KCNA4: variants seen among roughly 807,000 people sequenced by gnomAD.
KCNA4 encodes cardiac potassium channel.
Under a neutral mutation model 37.2 loss-of-function variants are expected in KCNA4, and 5 were observed. The ratio of observed to expected loss-of-function variants is 0.13; its 90% CI spans 0.07 to 0.28. The LOEUF (loss-of-function observed/expected upper bound fraction) is 0.28, where lower values mean the gene tolerates loss of function less well. Ranked by LOEUF, KCNA4 falls within the 10% of genes least tolerant of loss-of-function variation. The probability of loss-of-function intolerance (pLI) is 1.00; values close to 1 mark genes in which losing one functional copy is unlikely to be tolerated. For synonymous variants in KCNA4, 350 were observed against 311.8 expected (o/e 1.12, Z -1.29); for missense variants, 634 against 817.4 (o/e 0.78, Z 2.74).
rs779502105 is a variant in KCNA4 at position 30,012,167 on chromosome 11, T to G, written c.512A>C (p.Tyr171Ser). ...EGGGGYSSVR[Y>S]SDCCERVVIN... ...CACCACACGTTCACAACAGTCACTG[T>G]AGCGGACTGAACTGTAGCCGCCACC... The change falls in exon 2 of 2, where the codon TAC becomes TCC. Residue 171 changes from tyrosine (Y) to serine (S), a missense_variant. Tyr to Ser is a moderately radical substitution (Grantham distance 144, BLOSUM62 -2). Transcript: ENST00000328224. 9.9e-6 allele frequency: 16 copies of G among 1,614,076 alleles called. No individual in the cohort carries two copies. In the South Asian group the frequency reaches 1.8e-4, roughly 18 times the overall value.
chr11:30,014,677 C>T (rs1410394337), intron 1 of KCNA4, among the ~76,000 whole-genome samples: 1 of 152,072 alleles, frequency 6.6e-6, no homozygotes. Context: ...ATTCCTGGCC[C>T]TTCTTCTTCC....
chr11:30,014,283 G>A (rs1386672517), intron 1 of KCNA4, among the ~76,000 whole-genome samples: 2 of 152,102 alleles, frequency 1.3e-5, no homozygotes, highest in African/African-American at 2.4e-5. Context: ...TTGTTAAGTT[G>A]GCACTGCCTG....
Position 30,011,350 on chromosome 11 carries a change from G to A in KCNA4, c.1329C>T (p.Leu443=). The part of the protein sequence containing the change: ...QQQQAMSFAI[L]RIIRLVRVFR... ...ATACTCGGACCAGACGAATGATTCT[G>A]AGGATGGCAAAGGACATGGCCTGCT... Residue 443 remains leucine, a synonymous_variant, in exon 2 of 2, where the codon CTC becomes CTT. Coordinates refer to ENST00000328224, the MANE Select transcript of KCNA4 (RefSeq NM_002233.4). The surrounding 1 kb of genome is among the most constrained non-coding windows in gnomAD (Gnocchi z 5.6). 6.2e-7 allele frequency: 1 copy of A among 1,614,154 alleles called. No individual in the cohort carries two copies. Among genetic ancestry groups the A allele is most frequent in the South Asian group, 1.1e-5 (1 of 91,078 alleles).
intron 1 of KCNA4, among the ~76,000 whole-genome samples, chr11:30,014,927 C>T (rs1405155277): frequency 6.6e-6 from 1 of 152,082 alleles, no homozygotes; most frequent in Non-Finnish European, 1.5e-5. Flanking sequence ...TTTCTGAAGC[C>T]ATTAACAGGA....
chr11:30,015,846 A>G (rs1475364782), intron 1 of KCNA4, among the ~76,000 whole-genome samples: 2 of 152,118 alleles, frequency 1.3e-5, no homozygotes, highest in East Asian at 3.9e-4. Flanking sequence ...TTAAACTAAT[A>G]GGATTTTGCA....
In KCNA4 at chr11:30,010,507, A is replaced by T; in HGVS notation, c.*210T>A. 3 of 746,472 alleles carry T rather than the reference A, an allele frequency of 4.0e-6. No homozygotes were observed. The highest frequency in any genetic ancestry group is 2.9e-5 in the South Asian group (1 of 34,116). The allele number at this position is 746,472 out of a possible 1,614,324, so 46.2% of individuals were successfully genotyped here. On this transcript the variant is annotated 3_prime_UTR_variant, in exon 2 of 2. Transcript: ENST00000328224. The stretch of plus-strand genomic sequence containing the variant: ...CATTCTAATAAAAATATAAAGATAG[A>T]TTTGCTCCTATTCCTCCCTCTTCTC...
rs1850297467 is a variant in KCNA4 at position 30,010,920 on chromosome 11, G to A, written c.1759C>T (p.Pro587Ser). The A allele has an allele frequency of 1.2e-6, 2 of 1,614,154 alleles. No homozygotes were observed. The highest frequency in any genetic ancestry group is 1.7e-5 in the Admixed American group (1 of 60,022). ...TQLTQNAVSC[P>S]YLPSNLLKKF... ...TTGAGCAAATTAGAGGGGAGGTATG[G>A]ACAACTGACTGCATTCTGCGTTAGC... is the stretch of plus-strand genomic sequence containing the variant. The change falls in exon 2 of 2, where the codon CCA becomes TCA. Residue 587 changes from proline (P) to serine (S), a missense_variant. By Grantham distance (74) the Pro-to-Ser change is moderately conservative. This residue lies in a region of KCNA4 where 91 missense variants were observed against 95.8 expected (regional missense o/e 0.95). Coordinates refer to ENST00000328224, the MANE Select transcript of KCNA4 (RefSeq NM_002233.4).
chr11:30,016,813 G>A lies in KCNA4; in HGVS notation c.-1024C>T. The A allele has an allele frequency of 5.1e-6, 2 of 392,630 alleles. No individual in the cohort carries two copies. The highest frequency in any genetic ancestry group is 4.5e-6 in the Non-Finnish European group (1 of 222,582). The allele number at this position is 392,630 out of a possible 1,614,324, so 24.3% of individuals were successfully genotyped here. On this transcript the variant is annotated 5_prime_UTR_variant, in exon 1 of 2. Coordinates refer to ENST00000328224, the MANE Select transcript of KCNA4 (RefSeq NM_002233.4). The stretch of plus-strand genomic sequence containing the variant: ...CTGGAGCCTGGGGGTGGGGGTTGGG[G>A]CTGCCCCAGAGAAGACCCCAAGACT...
Position 30,011,677 on chromosome 11 carries a change from G to T in KCNA4, c.1002C>A (p.Asp334Glu). ...FCLETLPEFR[D>E]DRDLVMALSA... ...TCAGTGCCATGACGAGATCCCTGTC[G>T]TCCCTAAACTCAGGCAAGGTTTCCA... Residue 334 changes from aspartate (D) to glutamate (E), a missense_variant, in exon 2 of 2, where the codon GAC (aspartate) becomes GAA (glutamate). Transcript: ENST00000328224. The surrounding 1 kb of genome is among the most constrained non-coding windows in gnomAD (Gnocchi z 5.6). 1 of 1,614,088 alleles carries T rather than the reference G, an allele frequency of 6.2e-7. No homozygotes were observed. Among genetic ancestry groups the T allele is most frequent in the Non-Finnish European group, 8.5e-7 (1 of 1,180,026 alleles).
chr11:30,013,785 C>G (rs1336938831), intron 1 of KCNA4, among the ~76,000 whole-genome samples: 2 of 152,202 alleles, frequency 1.3e-5, no homozygotes, highest in African/African-American at 4.8e-5. Flanking sequence ...CACTGTCACT[C>G]TCTTCATTCC....
rs763444867 is a variant in KCNA4, at chr11:30,011,686, C to T, written c.993G>A (p.Glu331=). The T allele has an allele frequency of 3.7e-6, 6 of 1,614,166 alleles. No homozygotes were observed. Among genetic ancestry groups the T allele is most frequent in the Middle Eastern group, 1.6e-4 (1 of 6,062 alleles). Residue 331 remains glutamate, a synonymous_variant, in exon 2 of 2, where the codon GAG becomes GAA. Transcript: ENST00000328224. This position sits in a 1 kb window ranked among gnomAD's most constrained non-coding sequence, Gnocchi z 5.6. ...IVIFCLETLP[E]FRDDRDLVMA... is the part of the protein sequence containing the mutation. ...TGACGAGATCCCTGTCGTCCCTAAA[C>T]TCAGGCAAGGTTTCCAGGCAAAAGA...
chr11:30,016,694 A>C lies in KCNA4; in HGVS notation c.-905T>G. Reference sequence around the variant, plus strand: ...TCCTGGGTGGGGGGCGGGGGGTGGTAAAAGGAATCACTCGGGTTTGGCAGG... The same window carrying C: ...TCCTGGGTGGGGGGCGGGGGGTGGTCAAAGGAATCACTCGGGTTTGGCAGG... On this transcript the variant is annotated 5_prime_UTR_variant, in exon 1 of 2. Transcript: ENST00000328224. 2.2e-5 allele frequency: 6 copies of C among 273,908 alleles called. No homozygotes were observed. Among genetic ancestry groups the C allele is most frequent in the East Asian group, 6.2e-5 (1 of 16,150 alleles). 17.0% of individuals were successfully genotyped at this position (273,908 alleles called of 1,614,324 possible).
rs1187223187 is a variant in KCNA4 at position 30,012,446 on chromosome 11, C to T, written c.233G>A (p.Ser78Asn). Reference sequence around the variant, plus strand: ...CCTCCTCCTCCGACTACCCCGGCTGCTCTGAGGGTCATGGGAGGTACAGGC... The same window carrying T: ...CCTCCTCCTCCGACTACCCCGGCTGTTCTGAGGGTCATGGGAGGTACAGGC... Reference protein sequence around the residue: ...RGACTSHDPQSSRGSRRRRRQ... With the variant: ...RGACTSHDPQNSRGSRRRRRQ... Residue 78 changes from serine (S) to asparagine (N), a missense_variant, in exon 2 of 2, where the codon AGC becomes AAC. Coordinates refer to ENST00000328224, the MANE Select transcript of KCNA4 (RefSeq NM_002233.4). 6.2e-7 allele frequency: 1 copy of T among 1,613,216 alleles called. No homozygotes were observed. Among genetic ancestry groups the T allele is most frequent in the Non-Finnish European group, 8.5e-7 (1 of 1,180,016 alleles).
At chr11:30,015,717 G>A (rs1343583243) in intron 1 of KCNA4, among the ~76,000 whole-genome samples, 1 of 152,092 alleles carries the variant, frequency 6.6e-6, no homozygotes, top group Admixed American at 6.5e-5. Flanking sequence ...AATCAGACTG[G>A]TTTAAAATCT....
At position 30,011,399 on chromosome 11, in the gene KCNA4, T is replaced by A; in HGVS notation, c.1280A>T (p.Gln427Leu). The stretch of plus-strand genomic sequence containing the variant: ...CTGCTGCTGACCATTGCCACCCCCC[T>A]GTTGCTGGGCCAGGTCAGTGCCCAG... ...ITLGTDLAQQ[Q>L]GGGNGQQQQA... Residue 427 changes from glutamine to leucine, a missense_variant, in exon 2 of 2, where the codon CAG becomes CTG. By Grantham distance (113) the Gln-to-Leu change is moderately radical. This residue lies in a region of KCNA4 where 252 missense variants were observed against 344.2 expected (regional missense o/e 0.73). Transcript: ENST00000328224. This position sits in a 1 kb window ranked among gnomAD's most constrained non-coding sequence, Gnocchi z 5.6. 6.2e-7 allele frequency: 1 copy of A among 1,614,078 alleles called. No homozygotes were observed. Among genetic ancestry groups the A allele is most frequent in the South Asian group, 1.1e-5 (1 of 91,080 alleles).
Position 30,016,682 on chromosome 11 carries a change from G to C in KCNA4, c.-893C>G. Reference sequence around the variant, plus strand: ...GGGGAAGAATGATCCTGGGTGGGGGGCGGGGGGTGGTAAAAGGAATCACTC... The same window carrying C: ...GGGGAAGAATGATCCTGGGTGGGGGCCGGGGGGTGGTAAAAGGAATCACTC... On this transcript the variant is annotated 5_prime_UTR_variant, in exon 1 of 2. Coordinates refer to ENST00000328224, the MANE Select transcript of KCNA4 (RefSeq NM_002233.4). The C allele has an allele frequency of 3.3e-6, 1 of 302,190 alleles. No individual in the cohort carries two copies. The allele number at this position is 302,190 out of a possible 1,614,324, so 18.7% of individuals were successfully genotyped here. A position where few individuals can be genotyped will look rare whatever the true frequency, so the allele number is the denominator to read the frequency against.
At position 30,012,556 on chromosome 11, in the gene KCNA4, T is replaced by A. The variant is rs1158514122; in HGVS notation, c.123A>T (p.Ala41=). The A allele has an allele frequency of 3.7e-6, 6 of 1,607,406 alleles. No individual in the cohort carries two copies. Among genetic ancestry groups the A allele is most frequent in the Non-Finnish European group, 4.2e-6 (5 of 1,179,954 alleles). The change falls in exon 2 of 2, where the codon GCA becomes GCT. Residue 41 remains alanine, a synonymous_variant. Coordinates refer to ENST00000328224, the MANE Select transcript of KCNA4 (RefSeq NM_002233.4). ...ERLAHSRAAA[A]AAVAAATAAV... ...CAGCTGTGGCCGCTGCAACAGCAGC[T>A]GCTGCAGCTGCCCTGGAGTGAGCAA...
chr11:30,015,869 C>A (rs1446035372), intron 1 of KCNA4, among the ~76,000 whole-genome samples: 2 of 151,950 alleles, frequency 1.3e-5, no homozygotes, highest in African/African-American at 4.8e-5. Context: ...CTACCTATTC[C>A]CCAATCCCGG....
rs768719103 is a variant in KCNA4, at chr11:30,011,043, T to C, written c.1636A>G (p.Ile546Val). 3 of 1,614,184 alleles carry C rather than the reference T, an allele frequency of 1.9e-6. No individual in the cohort carries two copies. The highest frequency in any genetic ancestry group is 2.2e-5 in the South Asian group (2 of 91,078). ...AAAGCAATGGTTAAGACACCCGCAATGGCACACAGGGACCCGACAATCTTG... is the reference window on the plus strand; with the variant it reads ...AAAGCAATGGTTAAGACACCCGCAACGGCACACAGGGACCCGACAATCTTG... ...GGKIVGSLCAIAGVLTIALPV... is the reference protein window; with the variant it reads ...GGKIVGSLCAVAGVLTIALPV... The change falls in exon 2 of 2, where the codon ATT becomes GTT. Residue 546 changes from isoleucine to valine, a missense_variant. By Grantham distance (29) the Ile-to-Val change is conservative. Transcript: ENST00000328224. This position sits in a 1 kb window ranked among gnomAD's most constrained non-coding sequence, Gnocchi z 5.6.
Sources: gnomAD v4.1 joint callset for allele counts (sites outside exome capture counted in the v4.1 genomes callset) on GRCh38, gnomAD v4.1.1 for gene constraint, gnomAD v4.1.1 regional missense constraint, Gnocchi (gnomAD v3.1) non-coding constraint, MANE v1.5 for transcripts, NCBI Gene and HGNC (gene_info 2026-07-23, HGNC 2026-07-21) for gene names.